Variants in CLYBL observed in about 807,000 individuals in gnomAD.
The protein encoded by CLYBL is citramalyl-CoA lyase, mitochondrial.
CLYBL carries 31 observed loss-of-function variants against 38.9 expected under a neutral mutation model. The ratio of observed to expected loss-of-function variants is 0.80; its 90% CI spans 0.60 to 1.08. CLYBL has a LOEUF of 1.08. CLYBL is among the 50% of genes least tolerant of loss of function. The pLI, the probability that CLYBL is intolerant of heterozygous loss-of-function variation, is 0.00. For missense variants in CLYBL, 434 were observed against 411.6 expected (o/e 1.05, Z -0.47); for synonymous variants, 171 against 158.6 (o/e 1.08, Z -0.59).
intron 7 of CLYBL, among the ~76,000 whole-genome samples, chr13:99,876,419 T>TAA (rs1443825351): frequency 2.1e-5 from 1 of 48,054 alleles, no homozygotes; most frequent in Non-Finnish European, 3.3e-5. Flanking sequence ...AGACTCCGTC[T>TAA]CAAAAAAAAA....
intron 1 of CLYBL, among the ~76,000 whole-genome samples, chr13:99,728,798 G>T (rs986586376): frequency 2.0e-5 from 3 of 151,960 alleles, no homozygotes; most frequent in Non-Finnish European, 4.4e-5. Flanking sequence ...GCCCAGGCTG[G>T]TCTCAAACTC....
At chr13:99,838,629 C>T (rs546988469) in intron 2 of CLYBL, among the ~76,000 whole-genome samples, 1 of 152,264 alleles carries the variant, frequency 6.6e-6, no homozygotes, top group African/African-American at 2.4e-5. Flanking sequence ...AATTGTCAAA[C>T]ATTTCACATT....
Position 99,891,280 on chromosome 13 carries a change from A to G in CLYBL, c.928-38A>G, listed in dbSNP as rs537011649. 5 of 1,412,072 alleles carry G rather than the reference A, an allele frequency of 3.5e-6. No individual in the cohort carries two copies. The East Asian group carries it at 1.1e-4, about 32-fold the overall frequency. 87.5% of individuals were successfully genotyped at this position (1,412,072 alleles called of 1,614,324 possible). Reference sequence around the variant, plus strand: ...CACAGAAAGGAAACCTATAATTTCGAGTATTCTTTCAGGAAGTTTGTATTC... The same window carrying G: ...CACAGAAAGGAAACCTATAATTTCGGGTATTCTTTCAGGAAGTTTGTATTC... On this transcript the variant is annotated intron_variant, in intron 7 of 8. Coordinates refer to ENST00000339105, the MANE Select transcript of CLYBL (RefSeq NM_206808.5).
In CLYBL at chr13:99,782,512, A is replaced by G. The variant is rs566373715; in HGVS notation, c.249+9502A>G. Among the ~76,000 whole-genome samples the G allele has an allele frequency of 5.9e-5, 9 of 152,192 alleles. No individual in the cohort carries two copies. The South Asian group carries it at 8.3e-4, about 14-fold the overall frequency. On this transcript the variant is annotated intron_variant, in intron 2 of 8. Coordinates refer to ENST00000339105, the MANE Select transcript of CLYBL (RefSeq NM_206808.5). The stretch of plus-strand genomic sequence containing the variant: ...AGAACGAGGCTCTGTCTTGGGGGGA[A>G]AAAAGTTTATAATAAAAAAAATTTC...
At chr13:99,646,311 AT>A (rs1424399840) in intron 1 of CLYBL, among the ~76,000 whole-genome samples, 1 of 151,970 alleles carries the variant, frequency 6.6e-6, no homozygotes, top group Non-Finnish European at 1.5e-5. Context: ...GTGGTGTGTT[AT>A]AGGAGTTTGG....
At chr13:99,640,570 C>T (rs550422477) in intron 1 of CLYBL, among the ~76,000 whole-genome samples, 3 of 152,334 alleles carry the variant, frequency 2.0e-5, no homozygotes, top group African/African-American at 7.2e-5. Context: ...TCCTTTTCAG[C>T]GTTGGTTAAG....
In CLYBL at chr13:99,845,978, A is replaced by G. The variant is rs552912396; in HGVS notation, c.250-12883A>G. Among the ~76,000 whole-genome samples, 138 of 151,950 alleles carry G rather than the reference A, an allele frequency of 9.1e-4. 2 individuals carry two copies. Among genetic ancestry groups the G allele is most frequent in the Non-Finnish European group, 8.8e-5 (6 of 67,958 alleles). On this transcript the variant is annotated intron_variant, in intron 2 of 8. Coordinates refer to ENST00000339105, the MANE Select transcript of CLYBL (RefSeq NM_206808.5). Reference sequence around the variant, plus strand: ...TGCTTATATATTTGCCACCTAAAAAAAAAACAAAGCCATTTTTCAGTTATA... The same window carrying G: ...TGCTTATATATTTGCCACCTAAAAAGAAAACAAAGCCATTTTTCAGTTATA...
intron 1 of CLYBL, among the ~76,000 whole-genome samples, chr13:99,666,027 G>A (rs1282404289): frequency 6.6e-6 from 1 of 152,182 alleles, no homozygotes; most frequent in Non-Finnish European, 1.5e-5. Flanking sequence ...GCTTTACTGA[G>A]GGTTTCACTT....
At chr13:99,861,759 T>G (rs1454431130) in intron 3 of CLYBL, among the ~76,000 whole-genome samples, 1 of 152,142 alleles carries the variant, frequency 6.6e-6, no homozygotes, top group Non-Finnish European at 1.5e-5. Flanking sequence ...GCTCAAAAGC[T>G]TTTTAAAGAT....
At chr13:99,660,322 T>C (rs976607259) in intron 1 of CLYBL, among the ~76,000 whole-genome samples, 3 of 152,202 alleles carry the variant, frequency 2.0e-5, no homozygotes, top group Admixed American at 2.0e-4. Context: ...ATATTATTCC[T>C]CTGTCGGTCA....
chr13:99,800,493 G>A (rs1420527049), intron 2 of CLYBL, among the ~76,000 whole-genome samples: 2 of 152,188 alleles, frequency 1.3e-5, no homozygotes, highest in South Asian at 2.1e-4. Context: ...TGAGGATACT[G>A]CTTGGGCCTG....
intron 2 of CLYBL, among the ~76,000 whole-genome samples, chr13:99,827,049 T>C (rs75093470): frequency 0.024 from 3,650 of 152,282 alleles, 145 homozygotes; most frequent in African/African-American, 0.083. Flanking sequence ...ATCTCCAGGG[T>C]CATTTCTGGA....
rs531318422 is a variant in CLYBL, at chr13:99,843,709, C to T, written c.250-15152C>T. Among the ~76,000 whole-genome samples the T allele has an allele frequency of 2.0e-5, 3 of 151,416 alleles. No individual in the cohort carries two copies. In the South Asian group the frequency reaches 6.3e-4, roughly 32 times the overall value. ...CTCTGCCTCCTGGATTCAAGCGATTCTCCTGCCTCAGCCTCCCACGTAGCT... is the reference window on the plus strand; with the variant it reads ...CTCTGCCTCCTGGATTCAAGCGATTTTCCTGCCTCAGCCTCCCACGTAGCT... On this transcript the variant is annotated intron_variant, in intron 2 of 8. Transcript: ENST00000339105.
chr13:99,743,032 TTTTTTC>T (rs1041068362), intron 1 of CLYBL, among the ~76,000 whole-genome samples: 10 of 152,042 alleles, frequency 6.6e-5, no homozygotes, highest in South Asian at 2.1e-4. Context: ...GGGTTCGGGT[TTTTTTC>T]TTTTTCTTTT....
intron 2 of CLYBL, 42 bp from the exon 3 acceptor site, chr13:99,858,819 A>G (rs1449854728): frequency 6.9e-7 from 1 of 1,439,180 alleles, no homozygotes; most frequent in Admixed American, 2.0e-5. Context: ...TGCTCCCCTC[A>G]ATGATAAAAA....
chr13:99,781,986 C>T (rs1380759965), intron 2 of CLYBL, among the ~76,000 whole-genome samples: 1 of 152,174 alleles, frequency 6.6e-6, no homozygotes, highest in Non-Finnish European at 1.5e-5. Context: ...TATTTTTGCT[C>T]AATATTTTAG....
intron 1 of CLYBL, among the ~76,000 whole-genome samples, chr13:99,757,768 A>G (rs1176616580): frequency 6.6e-6 from 1 of 152,164 alleles, no homozygotes; most frequent in Admixed American, 6.5e-5. Context: ...CACCTTGGCA[A>G]CTTTTAAACG....
chr13:99,824,555 G>T lies in CLYBL; in HGVS notation c.250-34306G>T, dbSNP rs186000229. ...CAGGATCTTAAAGTCTAATTAATTA[G>T]TATCAGCCCAGCCTGCCTCTCCTCT... On this transcript the variant is annotated intron_variant, in intron 2 of 8. Coordinates refer to ENST00000339105, the MANE Select transcript of CLYBL (RefSeq NM_206808.5). 2.4e-3 allele frequency among the ~76,000 whole-genome samples: 360 copies of T among 152,236 alleles called. 2 individuals are homozygous for T. The highest frequency in any genetic ancestry group is 8.3e-3 in the African/African-American group (346 of 41,522).
At chr13:99,802,727 A>G (rs1028168922) in intron 2 of CLYBL, among the ~76,000 whole-genome samples, 1 of 152,146 alleles carries the variant, frequency 6.6e-6, no homozygotes, top group African/African-American at 2.4e-5. Context: ...CTGCACTCCA[A>G]GCTGCTTGTG....
Sources: allele counts gnomAD v4.1 joint callset (sites outside exome capture counted in the v4.1 genomes callset), GRCh38; gene constraint gnomAD v4.1.1; transcripts MANE v1.5; gene names NCBI Gene and HGNC (gene_info 2026-07-23, HGNC 2026-07-21).